The following TWSG1 variants were observed in gnomAD, a reference collection of about 807,000 sequenced individuals.
TWSG1 encodes twisted gastrulation BMP signaling modulator 1.
Under a neutral mutation model 23.0 loss-of-function variants are expected in TWSG1, and 15 were observed. That is an observed-to-expected ratio of 0.65 (90% CI 0.44 to 1.00). TWSG1 has a LOEUF of 1.00. TWSG1 is among the 50% of genes least tolerant of loss of function. The probability of loss-of-function intolerance (pLI) is 0.00; values close to 1 mark genes in which losing one functional copy is unlikely to be tolerated. For synonymous variants in TWSG1, 86 were observed against 92.8 expected (o/e 0.93, Z 0.42); for missense variants, 242 against 278.7 (o/e 0.87, Z 0.94).
intron 3 of TWSG1, among the ~76,000 whole-genome samples, chr18:9,376,938 C>T (rs1452628124): frequency 6.6e-6 from 1 of 151,442 alleles, no homozygotes; most frequent in Non-Finnish European, 1.5e-5. Context: ...AGTATAACAA[C>T]TGTTTACATG....
chr18:9,395,602 G>A (rs1328444573), intron 3 of TWSG1, among the ~76,000 whole-genome samples: 3 of 152,038 alleles, frequency 2.0e-5, no homozygotes, highest in South Asian at 4.1e-4. Flanking sequence ...ATTGACATGG[G>A]GTTGCCCAGG....
chr18:9,396,768 A>C, intron 4 of TWSG1: 1 of 616,474 alleles, frequency 1.6e-6, no homozygotes, highest in Non-Finnish European at 2.7e-6. Flanking sequence ...GAGTAGATAA[A>C]AAGGCATGTC....
At chr18:9,371,573 G>A (rs1257006295) in intron 3 of TWSG1, among the ~76,000 whole-genome samples, 1 of 150,706 alleles carries the variant, frequency 6.6e-6, no homozygotes, top group Non-Finnish European at 1.5e-5. Context: ...GGGATTACAG[G>A]CGTGAGCCAC....
Position 9,399,781 on chromosome 18 carries a change from G to C in TWSG1, c.*254G>C, listed in dbSNP as rs557539499. On this transcript the variant is annotated 3_prime_UTR_variant, in exon 5 of 5. Transcript: ENST00000262120. ...TACAACTTTGGTCATATGAGAAGCA[G>C]GTGCGCAGAGAATTCCTTGAAAGAT... 1.4e-4 allele frequency: 42 copies of C among 293,850 alleles called. No homozygotes were observed. Among genetic ancestry groups the C allele is most frequent in the African/African-American group, 8.5e-4 (39 of 46,008 alleles). The allele number at this position is 293,850 out of a possible 1,614,324, so 18.2% of individuals were successfully genotyped here.
At chr18:9,344,620 C>T (rs982055437) in intron 2 of TWSG1, among the ~76,000 whole-genome samples, 24 of 151,364 alleles carry the variant, frequency 1.6e-4, no homozygotes, top group Admixed American at 1.6e-3. Context: ...CCTCAACCTC[C>T]TGGACTCAAG....
intron 1 of TWSG1, among the ~76,000 whole-genome samples, chr18:9,335,493 T>C (rs2040418592): frequency 6.6e-6 from 1 of 152,248 alleles, no homozygotes; most frequent in African/African-American, 2.4e-5. Context: ...TAAGATGAAT[T>C]TGTGGAACAT....
intron 2 of TWSG1, among the ~76,000 whole-genome samples, chr18:9,359,684 C>T (rs879551339): frequency 2.0e-5 from 3 of 151,970 alleles, no homozygotes; most frequent in Non-Finnish European, 2.9e-5. Flanking sequence ...CTGAATTATT[C>T]GTTGAGGTGG....
intron 3 of TWSG1, 132 bp from the exon 4 acceptor site, chr18:9,396,148 A>C (rs559174503): frequency 3.5e-4 from 14 of 40,496 alleles, no homozygotes; most frequent in East Asian, 4.3e-4. Flanking sequence ...CTCACCCAGC[A>C]AAAAAAAAAA....
At chr18:9,366,552 C>T (rs2040579747) in intron 3 of TWSG1, among the ~76,000 whole-genome samples, 1 of 152,178 alleles carries the variant, frequency 6.6e-6, no homozygotes, top group African/African-American at 2.4e-5. Flanking sequence ...CTAACCTTGA[C>T]GGGTCTTGGC....
intron 2 of TWSG1, among the ~76,000 whole-genome samples, chr18:9,344,727 G>C (rs2040468422): frequency 6.6e-6 from 1 of 151,452 alleles, no homozygotes; most frequent in African/African-American, 2.4e-5. Flanking sequence ...AATACCTATT[G>C]AAAACCAGTG....
intron 3 of TWSG1, among the ~76,000 whole-genome samples, chr18:9,376,092 T>C (rs2040629213): frequency 6.6e-6 from 1 of 152,152 alleles, no homozygotes; most frequent in South Asian, 2.1e-4. Flanking sequence ...TTTTTTTGTA[T>C]TTTTATTAGA....
intron 3 of TWSG1, among the ~76,000 whole-genome samples, chr18:9,375,016 A>T (rs900911469): frequency 6.6e-6 from 1 of 151,990 alleles, no homozygotes; most frequent in African/African-American, 2.4e-5. Flanking sequence ...AAATACAAAA[A>T]ATTAGCTGGG....
At chr18:9,397,310 T>A (rs2040742072) in intron 4 of TWSG1, among the ~76,000 whole-genome samples, 1 of 152,210 alleles carries the variant, frequency 6.6e-6, no homozygotes. Context: ...ACCAAAATGA[T>A]GCCAAAGTCA....
At chr18:9,352,658 G>A (rs2040507235) in intron 2 of TWSG1, among the ~76,000 whole-genome samples, 1 of 152,034 alleles carries the variant, frequency 6.6e-6, no homozygotes, top group African/African-American at 2.4e-5. Flanking sequence ...TTTCAATGAC[G>A]TTTCCTTGTT....
intron 2 of TWSG1, among the ~76,000 whole-genome samples, chr18:9,357,236 C>T (rs1178068671): frequency 1.3e-5 from 2 of 152,178 alleles, no homozygotes; most frequent in Non-Finnish European, 2.9e-5. Context: ...GTCTATGTCA[C>T]ATGAATGCAG....
At chr18:9,337,129 C>A (rs903259118) in intron 1 of TWSG1, 64 bp from the exon 2 acceptor site, 44 of 1,385,224 alleles carry the variant, frequency 3.2e-5, no homozygotes, top group Non-Finnish European at 4.2e-5. Flanking sequence ...TTTTGTTTCT[C>A]ATTTTTATAT....
At chr18:9,371,334 T>C (rs1203420858) in intron 3 of TWSG1, among the ~76,000 whole-genome samples, 1 of 151,330 alleles carries the variant, frequency 6.6e-6, no homozygotes, top group Non-Finnish European at 1.5e-5. Context: ...TCTTGCCCTG[T>C]CGCCCAGGCT....
intron 2 of TWSG1, among the ~76,000 whole-genome samples, chr18:9,343,929 G>A (rs2040460390): frequency 6.6e-6 from 1 of 152,120 alleles, no homozygotes; most frequent in Non-Finnish European, 1.5e-5. Flanking sequence ...TGTTACACAG[G>A]TTTGTTTACT....
intron 3 of TWSG1, among the ~76,000 whole-genome samples, chr18:9,387,570 G>A (rs1035487919): frequency 1.3e-5 from 2 of 151,590 alleles, no homozygotes; most frequent in Non-Finnish European, 2.9e-5. Flanking sequence ...TTTGAGACCA[G>A]CCTAGTTAAA....
Sources: gnomAD v4.1 joint callset for allele counts (sites outside exome capture counted in the v4.1 genomes callset) on GRCh38, gnomAD v4.1.1 for gene constraint, MANE v1.5 for transcripts, NCBI Gene and HGNC (gene_info 2026-07-23, HGNC 2026-07-21) for gene names.